CBLB: variants seen among roughly 807,000 people sequenced by gnomAD.
CBLB encodes Cbl proto-oncogene B, also known as E3 ubiquitin-protein ligase CBL-B.
CBLB carries 31 observed loss-of-function variants against 104.9 expected under a neutral mutation model. That is an observed-to-expected ratio of 0.30 (90% CI 0.22 to 0.40). The LOEUF is 0.40. Among genes scored for constraint, CBLB ranks in the 10% least tolerant of loss-of-function variants. The pLI is 1.00. For missense variants in CBLB, 1,062 were observed against 1,214.6 expected, an observed-to-expected ratio of 0.87 and a Z score of 1.87; for synonymous variants, 440 against 422.6, an observed-to-expected ratio of 1.04 and a Z score of -0.51.
At chr3:105,756,267 A>G (rs1355912931) in intron 4 of CBLB, among the ~76,000 whole-genome samples, 1 of 152,212 alleles carries the variant, frequency 6.6e-6, no homozygotes, top group African/African-American at 2.4e-5. Context: ...AGGAAATAAG[A>G]AAATTGAACA....
chr3:105,811,508 A>G (rs549132479), intron 3 of CBLB, among the ~76,000 whole-genome samples: 2 of 152,358 alleles, frequency 1.3e-5, no homozygotes, highest in East Asian at 3.9e-4. Flanking sequence ...CAATGCATGC[A>G]TAACTAGAGA....
intron 2 of CBLB, among the ~76,000 whole-genome samples, chr3:105,854,131 T>G (rs1019535618): frequency 6.6e-6 from 1 of 152,146 alleles, no homozygotes; most frequent in Non-Finnish European, 1.5e-5. Context: ...CCGAGGACAA[T>G]AAAACAAAGA....
intron 11 of CBLB, 50 bp downstream of exon 11, chr3:105,703,938 A>G (rs779415538): frequency 2.0e-6 from 3 of 1,529,892 alleles, no homozygotes; most frequent in South Asian, 1.1e-5. Flanking sequence ...TGAGCAATCA[A>G]TAATTGTCTT....
At chr3:105,665,442 T>TATATATATATATAC (rs1182735970) in intron 18 of CBLB, among the ~76,000 whole-genome samples, 11 of 67,158 alleles carry the variant, frequency 1.6e-4, no homozygotes, top group African/African-American at 3.9e-4. Flanking sequence ...TATATATATA[T>TATATATATATATAC]ACACACACAC....
intron 9 of CBLB, among the ~76,000 whole-genome samples, chr3:105,720,872 G>C (rs1380492478): frequency 6.6e-6 from 1 of 152,196 alleles, no homozygotes; most frequent in Non-Finnish European, 1.5e-5. Context: ...GAGATACTAA[G>C]TTTTGCCCTT....
chr3:105,856,832 T>C (rs1174193094), intron 2 of CBLB, among the ~76,000 whole-genome samples: 10 of 152,200 alleles, frequency 6.6e-5, no homozygotes, highest in African/African-American at 1.2e-4. Flanking sequence ...CCCTTTTTAA[T>C]ACGTGATACG....
chr3:105,666,248 T>G (rs1000089011), intron 18 of CBLB, among the ~76,000 whole-genome samples: 2 of 152,016 alleles, frequency 1.3e-5, no homozygotes, highest in Non-Finnish European at 2.9e-5. Flanking sequence ...ATAACAGAAT[T>G]AGAAAAAAAT....
chr3:105,700,624 C>T lies in CBLB; in HGVS notation c.1959+1470G>A, dbSNP rs147609064. On this transcript the variant is annotated intron_variant, in intron 12 of 18. Coordinates refer to ENST00000394030, the MANE Select transcript of CBLB (RefSeq NM_170662.5). ...TTATTAGTATGTTCTCTTACATTTA[C>T]ATTATATTTAGGTGAACCTGAGGAA... Among the ~76,000 whole-genome samples the T allele has an allele frequency of 5.6e-3, 857 of 152,204 alleles. 2 individuals carry two copies. Among genetic ancestry groups the T allele is most frequent in the Non-Finnish European group, 9.7e-3 (661 of 68,002 alleles).
rs759640960 is a variant in CBLB at position 105,863,414 on chromosome 3, G to A, written c.168+3996C>T. 1.3e-4 allele frequency among the ~76,000 whole-genome samples: 20 copies of A among 152,256 alleles called. 1 individual carries two copies. The highest frequency in any genetic ancestry group is 2.2e-4 in the Non-Finnish European group (15 of 68,004). ...AACTTCAGTGAGGAAAAGGAAATAC[G>A]TCAAGAAGTATAATTCAAATGAATG... On this transcript the variant is annotated intron_variant, in intron 2 of 18. Transcript: ENST00000394030.
intron 18 of CBLB, among the ~76,000 whole-genome samples, chr3:105,668,138 C>T (rs1423730387): frequency 2.6e-5 from 4 of 152,162 alleles, no homozygotes; most frequent in African/African-American, 7.2e-5. Flanking sequence ...TTTGATGTTA[C>T]AGCTAGCTGG....
chr3:105,828,412 A>C (rs12633624), intron 3 of CBLB, among the ~76,000 whole-genome samples: 5 of 152,232 alleles, frequency 3.3e-5, no homozygotes, highest in Non-Finnish European at 7.3e-5. Context: ...ACGACAAAAC[A>C]ATTTTCATTA....
At chr3:105,702,834 C>A (rs1413658201) in intron 11 of CBLB, among the ~76,000 whole-genome samples, 1 of 152,072 alleles carries the variant, frequency 6.6e-6, no homozygotes, top group Non-Finnish European at 1.5e-5. Context: ...GAAAAGTTGT[C>A]ATGGTTTCAG....
intron 3 of CBLB, among the ~76,000 whole-genome samples, chr3:105,789,301 G>C (rs2081376934): frequency 6.6e-6 from 1 of 152,036 alleles, no homozygotes; most frequent in South Asian, 2.1e-4. Context: ...TGATGAAGCT[G>C]GGTAGAAAGT....
At chr3:105,659,604 A>G (rs904320268) in intron 18 of CBLB, among the ~76,000 whole-genome samples, 5 of 152,320 alleles carry the variant, frequency 3.3e-5, no homozygotes, top group Admixed American at 6.5e-5. Context: ...ACTACAGCAC[A>G]GGCTCTGGTT....
chr3:105,767,735 C>G (rs1046569855), intron 4 of CBLB, among the ~76,000 whole-genome samples: 2 of 152,062 alleles, frequency 1.3e-5, no homozygotes, highest in African/African-American at 4.8e-5. Flanking sequence ...ATGTGCCTTA[C>G]AGGTAAGGTT....
At chr3:105,762,631 A>G (rs1396470933) in intron 4 of CBLB, among the ~76,000 whole-genome samples, 1 of 152,262 alleles carries the variant, frequency 6.6e-6, no homozygotes, top group Admixed American at 6.5e-5. Context: ...CCTAGATTTC[A>G]GAAGATGTAT....
chr3:105,775,407 C>T (rs760627921), intron 4 of CBLB, among the ~76,000 whole-genome samples: 47 of 151,902 alleles, frequency 3.1e-4, no homozygotes, highest in African/African-American at 1.0e-3. Flanking sequence ...AAACCAATAT[C>T]GCAGTTCAAC....
intron 6 of CBLB, among the ~76,000 whole-genome samples, chr3:105,742,657 T>TA (rs1378318758): frequency 1.3e-5 from 2 of 152,138 alleles, no homozygotes; most frequent in Non-Finnish European, 2.9e-5. Flanking sequence ...ATTAAAATGT[T>TA]ACATAAAAAA....
chr3:105,693,613 T>C (rs754454205), intron 12 of CBLB, 25 bp from the exon 13 acceptor site: 6 of 1,523,706 alleles, frequency 3.9e-6, no homozygotes, highest in Non-Finnish European at 5.5e-6. Flanking sequence ...AATTGTTAGT[T>C]TCCAAGAATT....
Sources: gnomAD v4.1 joint callset for allele counts (sites outside exome capture counted in the v4.1 genomes callset) on GRCh38, gnomAD v4.1.1 for gene constraint, MANE v1.5 for transcripts, NCBI Gene and HGNC (gene_info 2026-07-23, HGNC 2026-07-21) for gene names.